The following RIPK1 variants were observed in gnomAD, a reference collection of about 807,000 sequenced individuals.
RIPK1 encodes receptor interacting serine/threonine kinase 1.
RIPK1 carries 27 observed loss-of-function variants against 62.4 expected under a neutral mutation model. The ratio of observed to expected loss-of-function variants is 0.43; its 90% CI spans 0.32 to 0.60. The LOEUF is 0.60. Ranked by LOEUF, RIPK1 falls within the 20% of genes least tolerant of loss-of-function variation. The pLI, the probability that RIPK1 is intolerant of heterozygous loss-of-function variation, is 0.07. For synonymous variants in RIPK1, 287 were observed against 303.2 expected (o/e 0.95, Z 0.55); for missense variants, 735 against 831.0 (o/e 0.88, Z 1.42).
upstream of RIPK1, among the ~76,000 whole-genome samples, chr6:3,065,710 G>C (rs1024788040): frequency 2.0e-5 from 3 of 152,146 alleles, no homozygotes; most frequent in African/African-American, 7.2e-5. Flanking sequence ...TGGCCTCCAC[G>C]GGCTTCAGAG....
upstream of RIPK1, among the ~76,000 whole-genome samples, chr6:3,065,290 A>G: frequency 7.2e-6 from 1 of 138,694 alleles, no homozygotes; most frequent in African/African-American, 2.7e-5. Flanking sequence ...AAAAAAAAAA[A>G]AGACACGGCT....
chr6:3,089,491 GGTAA>G (rs1759905328), intron 6 of RIPK1, 86 bp from the exon 7 acceptor site: 1 of 705,156 alleles, frequency 1.4e-6, no homozygotes, highest in Non-Finnish European at 2.5e-6. Flanking sequence ...CACAGATTGA[GGTAA>G]GTAATTCAAA....
rs1759066925 is a variant in RIPK1, at chr6:3,076,695, AAAACATATATATAT to A, written c.-60-67_-60-54del. ...ACCCTGTCTCCAAAGGAGAAAAAAA[AAAACATATATATAT>A]ATATATATATATATATAGTCTTGCC... On this transcript the variant is annotated intron_variant, in intron 1 of 10. Transcript: ENST00000259808. 7 of 22,458 alleles carry A rather than the reference AAAACATATATATAT, an allele frequency of 3.1e-4. 2 individuals carry two copies. The highest frequency in any genetic ancestry group is 5.6e-4 in the Non-Finnish European group (6 of 10,742). 1.4% of individuals were successfully genotyped at this position (22,458 alleles called of 1,614,324 possible).
At position 3,105,304 on chromosome 6, in the gene RIPK1, C is replaced by T. The variant is rs1760783915; in HGVS notation, c.1007-178C>T. Among the ~76,000 whole-genome samples the T allele has an allele frequency of 6.6e-6, 1 of 152,140 alleles. No homozygotes were observed. The highest frequency in any genetic ancestry group is 1.5e-5 in the Non-Finnish European group (1 of 68,022). On this transcript the variant is annotated intron_variant, in intron 8 of 10. Coordinates refer to ENST00000259808, the MANE Select transcript of RIPK1 (RefSeq NM_001354930.2). The surrounding 1 kb of genome is among the most constrained non-coding windows in gnomAD (Gnocchi z 4.5). ...GTACTCTCTTACTGCCAGCGAGGAG[C>T]TCCTATTATTATTTGTAAAGCTTGT...
Position 3,072,801 on chromosome 6 carries a change from G to A in RIPK1, c.-60-3963G>A, listed in dbSNP as rs1223022754. The stretch of plus-strand genomic sequence containing the variant: ...AGAATATGGCCTAAGAGGGTGGGGC[G>A]GATGACCCTTATGGAATGGGGAAGG... On this transcript the variant is annotated intron_variant, in intron 1 of 10. Transcript: ENST00000259808. This position sits in a 1 kb window ranked among gnomAD's most constrained non-coding sequence, Gnocchi z 5.6. Among the ~76,000 whole-genome samples the A allele has an allele frequency of 2.0e-5, 3 of 152,278 alleles. No individual in the cohort carries two copies. Among genetic ancestry groups the A allele is most frequent in the East Asian group, 1.9e-4 (1 of 5,186 alleles).
Position 3,069,070 on chromosome 6 carries a change from G to A in RIPK1, c.-61+409G>A, listed in dbSNP as rs1426124788. ...GGCCGCCTCTGTGCCAGAGGTCGGG[G>A]CGCTGGACTGGTAGCGGGCGGAGAC... On this transcript the variant is annotated intron_variant, in intron 1 of 10. Coordinates refer to ENST00000259808, the MANE Select transcript of RIPK1 (RefSeq NM_001354930.2). Among the ~76,000 whole-genome samples the A allele has an allele frequency of 2.0e-5, 3 of 152,362 alleles. No individual in the cohort carries two copies. The South Asian group carries it at 6.2e-4, about 32-fold the overall frequency.
At chr6:3,090,868 G>A (rs1322066891) in intron 7 of RIPK1, among the ~76,000 whole-genome samples, 1 of 85,608 alleles carries the variant, frequency 1.2e-5, no homozygotes, top group African/African-American at 1.5e-4. Context: ...CCTACCTGCC[G>A]CACCTAGTAA....
intron 5 of RIPK1, among the ~76,000 whole-genome samples, chr6:3,083,870 G>C (rs1262888131): frequency 6.6e-6 from 1 of 152,038 alleles, no homozygotes; most frequent in Non-Finnish European, 1.5e-5. Context: ...TCCATCGCAG[G>C]TACCAGAGGA....
At chr6:3,089,427 T>G (rs1307690615) in intron 6 of RIPK1, among the ~76,000 whole-genome samples, 154 bp from the exon 7 acceptor site, 23 of 152,240 alleles carry the variant, frequency 1.5e-4, no homozygotes, top group Non-Finnish European at 2.2e-4. Flanking sequence ...TTAATCTTAT[T>G]AGTCTCTATC....
At chr6:3,064,745 G>A (rs567721458), upstream of RIPK1, among the ~76,000 whole-genome samples, 71 of 152,324 alleles carry the variant, frequency 4.7e-4, no homozygotes, top group African/African-American at 1.7e-3. Context: ...ATCCCGTGAT[G>A]GACGTGGGGC....
chr6:3,065,398 C>T (rs1758339426), upstream of RIPK1, among the ~76,000 whole-genome samples: 1 of 150,964 alleles, frequency 6.6e-6, no homozygotes, highest in Admixed American at 6.6e-5. Flanking sequence ...TTTTGGGGAG[C>T]ACAGATGAGG....
At chr6:3,077,971 C>T in intron 3 of RIPK1, 36 bp downstream of exon 3, 1 of 1,608,122 alleles carries the variant, frequency 6.2e-7, no homozygotes, top group Non-Finnish European at 8.5e-7. Flanking sequence ...ATCCCCAGCG[C>T]TTGGGCCCTG....
chr6:3,086,777 G>A (rs1480488609), intron 6 of RIPK1, among the ~76,000 whole-genome samples: 1 of 152,180 alleles, frequency 6.6e-6, no homozygotes, highest in African/African-American at 2.4e-5. Flanking sequence ...ACATACGCAT[G>A]ACTGACTAAA....
chr6:3,089,583 A>G lies in RIPK1; in HGVS notation c.841A>G (p.Ile281Val). The change falls in exon 7 of 11, where the codon ATT becomes GTT. Residue 281 changes from isoleucine (I) to valine (V), a missense_variant and splice_region_variant. Transcript: ENST00000259808. ...NPEARPTFPGIEEKFRPFYLS... is the reference protein window; with the variant it reads ...NPEARPTFPGVEEKFRPFYLS... ...TAAAGTACATTTTACTTTTACAGGC[A>G]TTGAAGAAAAATTTAGGCCTTTTTA... The G allele has an allele frequency of 6.9e-7, 1 of 1,442,212 alleles. No homozygotes were observed. Among genetic ancestry groups the G allele is most frequent in the Non-Finnish European group, 9.7e-7 (1 of 1,030,740 alleles). 89.3% of individuals were successfully genotyped at this position (1,442,212 alleles called of 1,614,324 possible). A position where few individuals can be genotyped will look rare whatever the true frequency, so the allele number is the denominator to read the frequency against.
chr6:3,102,590 T>C (rs1760635992), intron 7 of RIPK1, among the ~76,000 whole-genome samples: 1 of 151,684 alleles, frequency 6.6e-6, no homozygotes, highest in African/African-American at 2.4e-5. Context: ...GATCATATGG[T>C]AATTCTATGT....
At chr6:3,088,806 A>G (rs1314439395) in intron 6 of RIPK1, 1 of 152,346 alleles carries the variant, frequency 6.6e-6, no homozygotes, top group African/African-American at 2.4e-5. Flanking sequence ...GCATGGCTGT[A>G]GACTGGCTAA....
At chr6:3,102,394 A>G (rs1760624526) in intron 7 of RIPK1, among the ~76,000 whole-genome samples, 1 of 152,208 alleles carries the variant, frequency 6.6e-6, no homozygotes, top group Non-Finnish European at 1.5e-5. Flanking sequence ...CTTCATGTTT[A>G]GACTTAGGTC....
chr6:3,087,917 T>C (rs370964111), intron 6 of RIPK1, among the ~76,000 whole-genome samples: 1 of 152,206 alleles, frequency 6.6e-6, no homozygotes, highest in African/African-American at 2.4e-5. Flanking sequence ...GCTGAGACTT[T>C]CTATTTTTCA....
intron 6 of RIPK1, among the ~76,000 whole-genome samples, chr6:3,086,895 T>G (rs1581402824): frequency 6.6e-6 from 1 of 152,222 alleles, no homozygotes; most frequent in Non-Finnish European, 1.5e-5. Context: ...GTCTTTCTGG[T>G]TGCTAGCCCC....
Sources: gnomAD v4.1 joint callset for allele counts (sites outside exome capture counted in the v4.1 genomes callset) on GRCh38, gnomAD v4.1.1 for gene constraint, Gnocchi (gnomAD v3.1) non-coding constraint, MANE v1.5 for transcripts, NCBI Gene and HGNC (gene_info 2026-07-23, HGNC 2026-07-21) for gene names.